Variants in SCNN1B observed in about 807,000 individuals in gnomAD.
SCNN1B encodes sodium channel epithelial 1 subunit beta.
A neutral mutation model predicts 65.3 loss-of-function variants in SCNN1B; 46 were observed. The ratio of observed to expected loss-of-function variants is 0.70; its 90% CI spans 0.56 to 0.90. The LOEUF is 0.90. SCNN1B is among the 40% of genes least tolerant of loss of function. The pLI is 0.00. For synonymous variants in SCNN1B, 349 were observed against 330.6 expected (o/e 1.06, Z -0.60); for missense variants, 751 against 830.5 (o/e 0.90, Z 1.18).
intron 1 of SCNN1B, among the ~76,000 whole-genome samples, chr16:23,329,565 A>T (rs988091155): frequency 1.2e-4 from 18 of 152,212 alleles, no homozygotes; most frequent in African/African-American, 4.1e-4. Flanking sequence ...AGGTAGGTGT[A>T]ATACTGCCCT....
At chr16:23,330,181 T>C (rs561359087) in intron 1 of SCNN1B, among the ~76,000 whole-genome samples, 1 of 152,332 alleles carries the variant, frequency 6.6e-6, no homozygotes, top group South Asian at 2.1e-4. Context: ...CACTTCTTTG[T>C]GTGGCTGTAG....
chr16:23,331,325 C>CTT (rs112461468), intron 1 of SCNN1B, among the ~76,000 whole-genome samples: 8,563 of 138,100 alleles, frequency 0.062, 948 homozygotes, highest in African/African-American at 0.22. Context: ...TTCCTAGTCA[C>CTT]TTTTTTTTTT....
Position 23,284,416 on chromosome 16 carries a change from T to C in SCNN1B, n.178+612T>C, listed in dbSNP as rs1244921859. 5.9e-5 allele frequency among the ~76,000 whole-genome samples: 9 copies of C among 151,740 alleles called. No individual in the cohort carries two copies. The East Asian group carries it at 1.7e-3, about 29-fold the overall frequency. On this transcript the variant is annotated intron_variant and non_coding_transcript_variant, in intron 2 of 3. Transcript: ENST00000569789. Reference sequence around the variant, plus strand: ...CAAGACTCCATCTCAAAAAAATAAATAAATAAAAATAAATTAAGAAAATAA... The same window carrying C: ...CAAGACTCCATCTCAAAAAAATAAACAAATAAAAATAAATTAAGAAAATAA...
chr16:23,305,525 ATATATATAT>A (rs1291464382), intron 1 of SCNN1B, among the ~76,000 whole-genome samples: 1,599 of 4,574 alleles, frequency 0.35, 174 homozygotes, highest in Non-Finnish European at 0.4. Flanking sequence ...TCTCTACCAA[ATATATATAT>A]TATATATATA....
intron 2 of SCNN1B, among the ~76,000 whole-genome samples, chr16:23,296,454 G>C (rs1018480022): frequency 1.3e-5 from 2 of 152,184 alleles, no homozygotes; most frequent in African/African-American, 4.8e-5. Context: ...CTCGAGGGCT[G>C]TCAGTTTGCA....
intron 11 of SCNN1B, 25 bp downstream of exon 11, chr16:23,378,792 G>A (rs1962968613): frequency 6.2e-7 from 1 of 1,610,828 alleles, no homozygotes; most frequent in Non-Finnish European, 8.5e-7. Flanking sequence ...GGGCGGGGCT[G>A]GGGAAGACAG....
chr16:23,290,630 A>T (rs531559890), intron 2 of SCNN1B, among the ~76,000 whole-genome samples: 1 of 152,202 alleles, frequency 6.6e-6, no homozygotes, highest in African/African-American at 2.4e-5. Flanking sequence ...TTAAGGCCCC[A>T]TAACTGTTGA....
chr16:23,335,439 A>G (rs1250459877), intron 1 of SCNN1B, among the ~76,000 whole-genome samples: 3 of 146,662 alleles, frequency 2.0e-5, no homozygotes, highest in Non-Finnish European at 4.5e-5. Context: ...GGAGTGAGCC[A>G]CCGTGCCAGC....
chr16:23,335,465 T>C (rs887162316), intron 1 of SCNN1B, among the ~76,000 whole-genome samples: 2 of 151,760 alleles, frequency 1.3e-5, no homozygotes, highest in Non-Finnish European at 2.9e-5. Flanking sequence ...TTTTCTTTTT[T>C]TTTTTTTTTA....
intron 1 of SCNN1B, among the ~76,000 whole-genome samples, chr16:23,319,281 C>A (rs140864662): frequency 6.6e-6 from 1 of 152,086 alleles, no homozygotes; most frequent in Admixed American, 6.5e-5. Flanking sequence ...CTCCTGACCT[C>A]GTGATCCACC....
intron 7 of SCNN1B, 191 bp downstream of exon 7, chr16:23,372,074 C>A: frequency 1.6e-6 from 1 of 644,388 alleles, no homozygotes. Flanking sequence ...TAGGGTTGGC[C>A]ACTTCTCATC....
At chr16:23,306,928 T>G (rs1006665720) in intron 1 of SCNN1B, among the ~76,000 whole-genome samples, 1 of 152,220 alleles carries the variant, frequency 6.6e-6, no homozygotes, top group African/African-American at 2.4e-5. Context: ...GTAACTAGTA[T>G]GTGCAGGTTC....
intron 3 of SCNN1B, among the ~76,000 whole-genome samples, chr16:23,354,563 C>T (rs1287103851): frequency 6.6e-6 from 1 of 152,232 alleles, no homozygotes; most frequent in South Asian, 2.1e-4. Flanking sequence ...CTGTGGTGGG[C>T]TCAGTGTGAC....
At chr16:23,318,470 G>A (rs984564208) in intron 1 of SCNN1B, among the ~76,000 whole-genome samples, 2 of 152,132 alleles carry the variant, frequency 1.3e-5, no homozygotes, top group Non-Finnish European at 2.9e-5. Context: ...TTAGCCGGAC[G>A]TGGTGGCGGA....
intron 7 of SCNN1B, chr16:23,372,180 A>G: frequency 2.1e-6 from 1 of 474,402 alleles, no homozygotes; most frequent in Non-Finnish European, 3.9e-6. Flanking sequence ...AGCAGCTAAC[A>G]CCATCAAGCT....
chr16:23,326,971 C>A (rs1961710321), intron 1 of SCNN1B, among the ~76,000 whole-genome samples: 1 of 152,150 alleles, frequency 6.6e-6, no homozygotes, highest in African/African-American at 2.4e-5. Context: ...GGCTGGAGTG[C>A]AGTGGTGCAA....
chr16:23,361,969 C>T (rs1962562467), intron 4 of SCNN1B, among the ~76,000 whole-genome samples: 1 of 151,954 alleles, frequency 6.6e-6, no homozygotes, highest in Non-Finnish European at 1.5e-5. Context: ...CACTTCAGCC[C>T]CCTAAAGTGC....
upstream of SCNN1B, among the ~76,000 whole-genome samples, chr16:23,300,817 C>T (rs1029232519): frequency 1.3e-5 from 2 of 151,600 alleles, no homozygotes; most frequent in Non-Finnish European, 2.9e-5. Context: ...AAATTGAGAC[C>T]CTGTCTCTCT....
intron 1 of SCNN1B, among the ~76,000 whole-genome samples, chr16:23,322,410 T>C (rs1961607758): frequency 6.6e-6 from 1 of 152,008 alleles, no homozygotes; most frequent in Admixed American, 6.6e-5. Flanking sequence ...CAGCGATCCT[T>C]CCACCTCAGC....
Sources: gnomAD v4.1 joint callset for allele counts (sites outside exome capture counted in the v4.1 genomes callset) on GRCh38, gnomAD v4.1.1 for gene constraint, MANE v1.5 for transcripts, NCBI Gene and HGNC (gene_info 2026-07-23, HGNC 2026-07-21) for gene names.